The following KLHL4 variants were observed in gnomAD, a reference collection of about 807,000 sequenced individuals.
KLHL4 encodes the protein kelch-like protein 4.
In KLHL4, 17 loss-of-function variants were observed where a neutral mutation model predicts 45.8. The observed-to-expected ratio is 0.37, with a 90% confidence interval of 0.25 to 0.56. The LOEUF (loss-of-function observed/expected upper bound fraction) is 0.56. KLHL4 is among the 20% of genes least tolerant of loss of function. KLHL4 has a pLI of 0.79. For missense variants in KLHL4, 544 were observed against 544.9 expected, an observed-to-expected ratio of 1.00 and a Z score of 0.02; for synonymous variants, 224 against 189.9, an observed-to-expected ratio of 1.18 and a Z score of -1.47.
intron 1 of KLHL4, among the ~76,000 whole-genome samples, chrX:87,556,910 G>A (rs1279767773): frequency 1.8e-5 from 2 of 111,147 alleles, no homozygotes; most frequent in Admixed American, 1.9e-4. Context: ...CAAAAAGGAA[G>A]GGGAAAGCCT....
At chrX:87,609,789 G>T (rs1004361644) in intron 1 of KLHL4, among the ~76,000 whole-genome samples, 2 of 111,139 alleles carry the variant, frequency 1.8e-5, no homozygotes, top group Admixed American at 9.6e-5. Flanking sequence ...GTCAATTTTG[G>T]CTTGTGTTGC....
intron 1 of KLHL4, among the ~76,000 whole-genome samples, chrX:87,556,425 A>T (rs1931974864): frequency 9.2e-6 from 1 of 108,826 alleles, no homozygotes; most frequent in African/African-American, 3.3e-5. Flanking sequence ...CACAAGAACA[A>T]AAAACCAAAC....
At chrX:87,590,426 T>C (rs1216444596) in intron 1 of KLHL4, among the ~76,000 whole-genome samples, 2 of 111,713 alleles carry the variant, frequency 1.8e-5, no homozygotes, top group African/African-American at 6.5e-5. Context: ...CTGTAAGTGA[T>C]TTACAGATTC....
chrX:87,620,759 A>G (rs903942739), intron 4 of KLHL4, among the ~76,000 whole-genome samples: 12 of 112,427 alleles, frequency 1.1e-4, no homozygotes, highest in Non-Finnish European at 3.8e-5. Flanking sequence ...CACTTACTCC[A>G]TAGGGAATCA....
chrX:87,623,492 C>T (rs933824630), intron 5 of KLHL4, among the ~76,000 whole-genome samples: 1 of 109,153 alleles, frequency 9.2e-6, no homozygotes, highest in Non-Finnish European at 1.9e-5. Context: ...TGAGGTTTCA[C>T]CATGTTGGCC....
At chrX:87,586,180 G>T (rs1194981204) in intron 1 of KLHL4, among the ~76,000 whole-genome samples, 1 of 110,773 alleles carries the variant, frequency 9.0e-6, no homozygotes, top group Non-Finnish European at 1.9e-5. Flanking sequence ...ATAATAGCAG[G>T]AGACTTCAAC....
chrX:87,556,082 G>C (rs1304679745), intron 1 of KLHL4, among the ~76,000 whole-genome samples: 2 of 111,056 alleles, frequency 1.8e-5, no homozygotes, highest in Non-Finnish European at 3.8e-5. Flanking sequence ...TAGTCTGAGA[G>C]ACAGTTTGTT....
intron 1 of KLHL4, among the ~76,000 whole-genome samples, chrX:87,595,224 T>C (rs923936654): frequency 3.6e-5 from 4 of 110,928 alleles, no homozygotes; most frequent in Non-Finnish European, 7.6e-5. Flanking sequence ...CCTGTGTCCA[T>C]TGTGCTCCTC....
chrX:87,607,521 C>A (rs1025477798), intron 1 of KLHL4, among the ~76,000 whole-genome samples: 1 of 111,675 alleles, frequency 9.0e-6, no homozygotes, highest in African/African-American at 3.3e-5. Flanking sequence ...CCCTTAAATT[C>A]TCTTCTTCCT....
intron 1 of KLHL4, among the ~76,000 whole-genome samples, chrX:87,543,807 C>A (rs1931616161): frequency 1.8e-5 from 2 of 111,324 alleles, no homozygotes; most frequent in South Asian, 3.8e-4. Context: ...TAGGTGAATT[C>A]TAGGGCAGAA....
intron 1 of KLHL4, among the ~76,000 whole-genome samples, chrX:87,541,187 T>C (rs1931543707): frequency 9.2e-6 from 1 of 109,207 alleles, no homozygotes; most frequent in South Asian, 4.0e-4. Context: ...GATCTGATGG[T>C]TTAAAAGTGG....
chrX:87,656,509 A>G (rs780505228), intron 9 of KLHL4, among the ~76,000 whole-genome samples: 5 of 108,599 alleles, frequency 4.6e-5, no homozygotes, highest in Admixed American at 1.0e-4. Context: ...AATTCCTTCA[A>G]TGAATTTTCC....
intron 1 of KLHL4, among the ~76,000 whole-genome samples, 177 bp from the exon 2 acceptor site, chrX:87,613,700 A>G (rs1166003149): frequency 8.9e-6 from 1 of 112,121 alleles, no homozygotes. Flanking sequence ...GGTAGTAATT[A>G]TAGTAAAATA....
At chrX:87,583,732 G>T (rs1045056900) in intron 1 of KLHL4, among the ~76,000 whole-genome samples, 1 of 110,851 alleles carries the variant, frequency 9.0e-6, no homozygotes, top group Admixed American at 9.6e-5. Context: ...CTTCAGGTAA[G>T]ACTCAGCACA....
intron 3 of KLHL4, among the ~76,000 whole-genome samples, chrX:87,616,018 T>C (rs1221993704): frequency 9.0e-6 from 1 of 111,656 alleles, no homozygotes; most frequent in East Asian, 2.8e-4. Context: ...TATTTCAAAG[T>C]TGTTCCTATG....
chrX:87,630,017 G>A (rs1474622150), intron 6 of KLHL4, among the ~76,000 whole-genome samples: 1 of 111,512 alleles, frequency 9.0e-6, no homozygotes, highest in East Asian at 2.8e-4. Flanking sequence ...GAGTAAATAA[G>A]TCCCTGTGTA....
intron 1 of KLHL4, among the ~76,000 whole-genome samples, chrX:87,606,651 T>C (rs1315744576): frequency 9.0e-6 from 1 of 110,593 alleles, no homozygotes; most frequent in East Asian, 2.8e-4. Context: ...CAAGATTAAA[T>C]TATGAATAAA....
chrX:87,579,508 G>A (rs1055073307), intron 1 of KLHL4, among the ~76,000 whole-genome samples: 5 of 110,910 alleles, frequency 4.5e-5, no homozygotes. Flanking sequence ...AAAGCCCAAA[G>A]TATCCAAAAC....
At chrX:87,519,468 A>C (rs1458770213) in intron 1 of KLHL4, among the ~76,000 whole-genome samples, 1 of 112,214 alleles carries the variant, frequency 8.9e-6, no homozygotes, top group Non-Finnish European at 1.9e-5. Flanking sequence ...ATTACAGCAA[A>C]ATGATGCCTT....
Sources: allele counts gnomAD v4.1 joint callset (sites outside exome capture counted in the v4.1 genomes callset), GRCh38; gene constraint gnomAD v4.1.1; transcripts MANE v1.5; gene names NCBI Gene and HGNC (gene_info 2026-07-23, HGNC 2026-07-21).